Variants in PCDHGB6 observed in about 807,000 individuals in gnomAD.
PCDHGB6 encodes protocadherin gamma subfamily B, 6, also known as protocadherin gamma-B6.
In PCDHGB6, 51 loss-of-function variants were observed where a neutral mutation model predicts 59.1. The ratio of observed to expected loss-of-function variants is 0.86; its 90% CI spans 0.69 to 1.09. The LOEUF (loss-of-function observed/expected upper bound fraction) is 1.09, where lower values mean the gene tolerates loss of function less well. PCDHGB6 is among the 50% of genes least tolerant of loss of function. The pLI is 0.00. For missense variants in PCDHGB6, 1,148 were observed against 1,205.1 expected, an observed-to-expected ratio of 0.95 and a Z score of 0.70; for synonymous variants, 466 against 495.1, an observed-to-expected ratio of 0.94 and a Z score of 0.78.
intron 1 of PCDHGB6, among the ~76,000 whole-genome samples, chr5:141,459,098 A>G (rs993134478): frequency 2.0e-5 from 3 of 152,206 alleles, no homozygotes; most frequent in African/African-American, 7.2e-5. Flanking sequence ...ATACAGTGCA[A>G]TGCATTTTGA....
chr5:141,427,294 A>G (rs1239553754), intron 1 of PCDHGB6: 6 of 456,876 alleles, frequency 1.3e-5, no homozygotes, highest in Non-Finnish European at 2.2e-5. Context: ...GAAATCCTAG[A>G]TGAGAATGAC....
At chr5:141,483,179 G>C (rs2099577971) in intron 1 of PCDHGB6, among the ~76,000 whole-genome samples, 2 of 152,294 alleles carry the variant, frequency 1.3e-5, no homozygotes, top group African/African-American at 4.8e-5. Flanking sequence ...TTTGGGCCAA[G>C]CCAAGGAGTT....
At chr5:141,445,342 T>C (rs1026595756) in intron 1 of PCDHGB6, among the ~76,000 whole-genome samples, 4 of 152,202 alleles carry the variant, frequency 2.6e-5, no homozygotes, top group African/African-American at 9.6e-5. Flanking sequence ...ACAGTAAACA[T>C]TGGTGTCTGC....
At position 141,447,650 on chromosome 5, in the gene PCDHGB6, T is replaced by C. The variant is rs555134653; in HGVS notation, c.2418+37030T>C. Reference sequence around the variant, plus strand: ...AACAGTATGAATGATGGTAGAATTTTCCCCCCCAGGAAGTTAGAACTGTTC... The same window carrying C: ...AACAGTATGAATGATGGTAGAATTTCCCCCCCCAGGAAGTTAGAACTGTTC... On this transcript the variant is annotated intron_variant, in intron 1 of 3. Transcript: ENST00000520790. Among the ~76,000 whole-genome samples, 24 of 152,106 alleles carry C rather than the reference T, an allele frequency of 1.6e-4. No homozygotes were observed. The South Asian group carries it at 2.3e-3, about 15-fold the overall frequency.
chr5:141,414,624 G>C, intron 1 of PCDHGB6: 1 of 1,613,932 alleles, frequency 6.2e-7, no homozygotes, highest in Non-Finnish European at 8.5e-7. Context: ...CGCTGGACCC[G>C]GACAGCAAAG....
At chr5:141,470,961 C>T (rs1447105252) in intron 1 of PCDHGB6, among the ~76,000 whole-genome samples, 1 of 152,036 alleles carries the variant, frequency 6.6e-6, no homozygotes, top group Non-Finnish European at 1.5e-5. Context: ...AAGTGATCCT[C>T]CCACCTCAGC....
At position 141,486,408 on chromosome 5, in the gene PCDHGB6, C is replaced by G; in HGVS notation, c.2419-8399C>G. The G allele has an allele frequency of 1.2e-6, 2 of 1,614,156 alleles. No homozygotes were observed. The highest frequency in any genetic ancestry group is 1.7e-6 in the Non-Finnish European group (2 of 1,180,014). Reference sequence around the variant, plus strand: ...CAGTTCTCCCTGGTGACTGCTGGACCCTTGGATCGAGAGGCCAAATCTAGC... The same window carrying G: ...CAGTTCTCCCTGGTGACTGCTGGACGCTTGGATCGAGAGGCCAAATCTAGC... On this transcript the variant is annotated intron_variant, in intron 1 of 3. Transcript: ENST00000520790. This position sits in a 1 kb window ranked among gnomAD's most constrained non-coding sequence, Gnocchi z 5.0.
At chr5:141,413,271 C>T in intron 1 of PCDHGB6, 1 of 1,613,940 alleles carries the variant, frequency 6.2e-7, no homozygotes, top group Non-Finnish European at 8.5e-7. Flanking sequence ...AGGCTGGAGC[C>T]CGGCAGATCT....
rs772487189 is a variant in PCDHGB6 at position 141,415,555 on chromosome 5, C to G, written c.2418+4935C>G. 5 of 1,613,954 alleles carry G rather than the reference C, an allele frequency of 3.1e-6. No homozygotes were observed. In the African/African-American group the frequency reaches 6.7e-5, roughly 22 times the overall value. On this transcript the variant is annotated intron_variant, in intron 1 of 3. Transcript: ENST00000520790. ...CCAGGAGAGCTGTGAGAAAAACGAT[C>G]CTTTGTCTTTGTTAGATGATTCGAA...
intron 1 of PCDHGB6, among the ~76,000 whole-genome samples, chr5:141,460,807 A>G (rs2098998307): frequency 6.6e-6 from 1 of 151,962 alleles, no homozygotes; most frequent in Non-Finnish European, 1.5e-5. Context: ...ATATATATGT[A>G]TGTATACATA....
chr5:141,476,507 A>G lies in PCDHGB6; in HGVS notation c.2419-18300A>G. 1 of 1,614,102 alleles carries G rather than the reference A, an allele frequency of 6.2e-7. No individual in the cohort carries two copies. The highest frequency in any genetic ancestry group is 8.5e-7 in the Non-Finnish European group (1 of 1,180,008). On this transcript the variant is annotated intron_variant, in intron 1 of 3. Transcript: ENST00000520790. This position sits in a 1 kb window ranked among gnomAD's most constrained non-coding sequence, Gnocchi z 7.6. Reference sequence around the variant, plus strand: ...AGTGGTGATCCAGGACATCAACGACAACAATCCTGCTTTCCCTACCCAGGA... The same window carrying G: ...AGTGGTGATCCAGGACATCAACGACGACAATCCTGCTTTCCCTACCCAGGA...
chr5:141,430,328 T>C (rs961978065), intron 1 of PCDHGB6, among the ~76,000 whole-genome samples: 1 of 152,036 alleles, frequency 6.6e-6, no homozygotes, highest in Non-Finnish European at 1.5e-5. Flanking sequence ...AAATCATTGT[T>C]TATAGAAACT....
chr5:141,489,220 C>G lies in PCDHGB6; in HGVS notation c.2419-5587C>G. The G allele has an allele frequency of 6.6e-7, 1 of 1,508,698 alleles. No individual in the cohort carries two copies. Among genetic ancestry groups the G allele is most frequent in the South Asian group, 1.3e-5 (1 of 75,604 alleles). The allele number at this position is 1,508,698 out of a possible 1,614,324, so 93.5% of individuals were successfully genotyped here. A position where few individuals can be genotyped will look rare whatever the true frequency, so the allele number is the denominator to read the frequency against. ...AGACAGGACAGCACAGACTTACTCT[C>G]CACAAAGGGACTTCTGGGTCATGGG... On this transcript the variant is annotated intron_variant, in intron 1 of 3. Transcript: ENST00000520790. The surrounding 1 kb of genome is among the most constrained non-coding windows in gnomAD (Gnocchi z 4.5).
rs540471918 is a variant in PCDHGB6 at position 141,433,283 on chromosome 5, T to C, written c.2418+22663T>C. ...ATCATAGCTCACTGCAGCCTCAAAC[T>C]CCTAGGCTCAAGCAATTATCCCACC... On this transcript the variant is annotated intron_variant, in intron 1 of 3. Coordinates refer to ENST00000520790, the MANE Select transcript of PCDHGB6 (RefSeq NM_018926.3). The C allele has an allele frequency of 4.2e-5, 50 of 1,183,074 alleles. No homozygotes were observed. In the Admixed American group the frequency reaches 7.9e-4, roughly 19 times the overall value. 73.3% of individuals were successfully genotyped at this position (1,183,074 alleles called of 1,614,324 possible).
chr5:141,413,747 A>C, intron 1 of PCDHGB6: 1 of 1,613,348 alleles, frequency 6.2e-7, no homozygotes. Flanking sequence ...AGCCGTGCCA[A>C]TGGCGTCAAG....
chr5:141,499,689 C>CTTTT (rs545067566), intron 2 of PCDHGB6, among the ~76,000 whole-genome samples: 17 of 119,848 alleles, frequency 1.4e-4, no homozygotes, highest in East Asian at 2.4e-4. Context: ...TAACAGATGA[C>CTTTT]TTTTTTTTTT....
chr5:141,466,989 G>C, intron 1 of PCDHGB6, among the ~76,000 whole-genome samples: 1 of 150,922 alleles, frequency 6.6e-6, no homozygotes. Context: ...TTTACCTTTT[G>C]GCATTTTTTT....
rs776657082 is a variant in PCDHGB6, at chr5:141,432,778, G to A, written c.2418+22158G>A. On this transcript the variant is annotated intron_variant, in intron 1 of 3. Coordinates refer to ENST00000520790, the MANE Select transcript of PCDHGB6 (RefSeq NM_018926.3). The surrounding 1 kb of genome is among the most constrained non-coding windows in gnomAD (Gnocchi z 6.0). ...CCGACAGCATCCCCCAAGTCCTGGC[G>A]GACCTCGGCAGCCTCGAGTCTCCAG... 6.2e-7 allele frequency: 1 copy of A among 1,614,166 alleles called. No homozygotes were observed. Among genetic ancestry groups the A allele is most frequent in the Non-Finnish European group, 8.5e-7 (1 of 1,180,002 alleles).
intron 1 of PCDHGB6, chr5:141,478,346 G>A: frequency 6.2e-7 from 1 of 1,613,794 alleles, no homozygotes; most frequent in African/African-American, 1.3e-5. Context: ...CTCCTTGCAC[G>A]CGGACGCCGT....
Sources: allele counts gnomAD v4.1 joint callset (sites outside exome capture counted in the v4.1 genomes callset), GRCh38; gene constraint gnomAD v4.1.1; non-coding constraint Gnocchi (gnomAD v3.1); transcripts MANE v1.5; gene names NCBI Gene and HGNC (gene_info 2026-07-23, HGNC 2026-07-21).